Variants in DPP6 observed in about 807,000 individuals in gnomAD.
The protein encoded by DPP6 is A-type potassium channel modulatory protein DPP6.
A neutral mutation model predicts 122.6 loss-of-function variants in DPP6; 69 were observed. That is an observed-to-expected ratio of 0.56 (90% CI 0.46 to 0.69). DPP6 has a LOEUF of 0.69. Ranked by LOEUF, DPP6 falls within the 30% of genes least tolerant of loss-of-function variation. The pLI, the probability that DPP6 is intolerant of heterozygous loss-of-function variation, is 0.00. For synonymous variants in DPP6, 418 were observed against 433.1 expected (o/e 0.97, Z 0.43); for missense variants, 928 against 1,116.9 (o/e 0.83, Z 2.41).
chr7:153,822,664 A>G, the DPP6 span, among the ~76,000 whole-genome samples: 1 of 152,362 alleles, frequency 6.6e-6, no homozygotes, highest in Non-Finnish European at 1.5e-5. Flanking sequence ...TAAAATCAGC[A>G]TATAAATACC....
intron 1 of DPP6, among the ~76,000 whole-genome samples, chr7:153,981,138 C>A (rs1315377275): frequency 6.6e-6 from 1 of 152,150 alleles, no homozygotes; most frequent in African/African-American, 2.4e-5. Context: ...CTAATATTGA[C>A]AGTGAGATGT....
intron 1 of DPP6, among the ~76,000 whole-genome samples, chr7:154,104,257 C>T (rs569058569): frequency 2.6e-5 from 4 of 152,294 alleles, no homozygotes; most frequent in East Asian, 1.9e-4. Context: ...CTGCCCCGGA[C>T]GGGAAGGGGT....
At chr7:154,519,027 A>G (rs966461165) in intron 3 of DPP6, among the ~76,000 whole-genome samples, 5 of 152,160 alleles carry the variant, frequency 3.3e-5, no homozygotes, top group Non-Finnish European at 7.3e-5. Context: ...ACTACAATAT[A>G]TTAATGACTA....
At chr7:154,857,659 T>G (rs944034294) in intron 17 of DPP6, among the ~76,000 whole-genome samples, 1 of 152,240 alleles carries the variant, frequency 6.6e-6, no homozygotes, top group African/African-American at 2.4e-5. Flanking sequence ...AGAAGGCAGG[T>G]GCCTGGTGCT....
At chr7:154,461,336 A>C (rs994081270) in intron 2 of DPP6, among the ~76,000 whole-genome samples, 4 of 152,216 alleles carry the variant, frequency 2.6e-5, no homozygotes, top group Non-Finnish European at 5.9e-5. Context: ...AAAGGAGTGC[A>C]GGTGTCTGTT....
At chr7:153,958,872 A>C (rs905948559) in intron 1 of DPP6, among the ~76,000 whole-genome samples, 3 of 151,836 alleles carry the variant, frequency 2.0e-5, no homozygotes, top group Non-Finnish European at 4.4e-5. Flanking sequence ...ACATTAAAAA[A>C]ACCCTCAAGA....
At chr7:154,508,643 C>G (rs1163232330) in intron 3 of DPP6, among the ~76,000 whole-genome samples, 1 of 152,194 alleles carries the variant, frequency 6.6e-6, no homozygotes, top group African/African-American at 2.4e-5. Flanking sequence ...CAGTGCATGT[C>G]ACTTCTGCCT....
At chr7:154,631,992 G>A (rs572636460) in intron 5 of DPP6, among the ~76,000 whole-genome samples, 35 of 152,314 alleles carry the variant, frequency 2.3e-4, no homozygotes, top group Non-Finnish European at 4.6e-4. Context: ...TAGGCTCTGA[G>A]ACTCCAGTGC....
At chr7:153,941,998 G>A (rs62484170) in intron 1 of DPP6, among the ~76,000 whole-genome samples, 22,423 of 152,182 alleles carry the variant, frequency 0.15, 1,872 homozygotes, top group African/African-American at 0.22. Flanking sequence ...CCTCTGAAGC[G>A]TTTCTGCAAT....
intron 25 of DPP6, chr7:154,890,690 C>A (rs1245305881): frequency 6.6e-6 from 1 of 152,304 alleles, no homozygotes; most frequent in Non-Finnish European, 1.5e-5. Flanking sequence ...GTGGGCACAG[C>A]AAAGGCCTTC....
chr7:154,412,659 A>G (rs1816702209), intron 1 of DPP6, among the ~76,000 whole-genome samples: 1 of 152,198 alleles, frequency 6.6e-6, no homozygotes, highest in South Asian at 2.1e-4. Context: ...CCCACAATCC[A>G]GAGAAGCAAT....
intron 1 of DPP6, among the ~76,000 whole-genome samples, chr7:154,423,775 A>G (rs1274615189): frequency 1.3e-5 from 2 of 152,254 alleles, no homozygotes; most frequent in South Asian, 2.1e-4. Context: ...AGATGCCTCT[A>G]TTAATCACTT....
intron 3 of DPP6, among the ~76,000 whole-genome samples, chr7:154,509,562 C>T (rs929060339): frequency 2.0e-5 from 3 of 152,164 alleles, no homozygotes; most frequent in Admixed American, 6.6e-5. Context: ...TGGAAAATAG[C>T]TGGGCATTTT....
chr7:153,883,781 T>A (rs1387264292), upstream of DPP6, among the ~76,000 whole-genome samples: 2 of 152,210 alleles, frequency 1.3e-5, no homozygotes, highest in African/African-American at 4.8e-5. Flanking sequence ...GAACAGGCAT[T>A]ACCTGGATAT....
intron 16 of DPP6, among the ~76,000 whole-genome samples, chr7:154,850,088 A>G (rs1426413922): frequency 1.3e-5 from 2 of 152,210 alleles, no homozygotes; most frequent in African/African-American, 4.8e-5. Context: ...GTATTTGGTT[A>G]CATGAGTAAG....
At chr7:154,785,686 T>C (rs73167100) in intron 10 of DPP6, among the ~76,000 whole-genome samples, 11,457 of 152,260 alleles carry the variant, frequency 0.075, 451 homozygotes, top group South Asian at 0.12. Context: ...GCATTTACAC[T>C]CTGTCCTGTA....
At chr7:154,579,319 C>T (rs549631522) in intron 5 of DPP6, among the ~76,000 whole-genome samples, 10 of 151,716 alleles carry the variant, frequency 6.6e-5, no homozygotes, top group Admixed American at 3.3e-4. Flanking sequence ...ACTGCACTAC[C>T]GCCTGGGCAA....
At chr7:154,197,402 G>A (rs1004691058) in intron 1 of DPP6, among the ~76,000 whole-genome samples, 2 of 152,020 alleles carry the variant, frequency 1.3e-5, no homozygotes, top group African/African-American at 4.8e-5. Flanking sequence ...GCCCTAGCTT[G>A]GTGCACTGAT....
At chr7:153,748,405 G>A in the DPP6 span, among the ~76,000 whole-genome samples, 1 of 125,930 alleles carries the variant, frequency 7.9e-6, no homozygotes, top group Non-Finnish European at 1.7e-5. Flanking sequence ...GCTCCAGCCT[G>A]AGCTTTTGAG....
Sources: gnomAD v4.1 joint callset for allele counts (sites outside exome capture counted in the v4.1 genomes callset) on GRCh38, gnomAD v4.1.1 for gene constraint, MANE v1.5 for transcripts, NCBI Gene and HGNC (gene_info 2026-07-23, HGNC 2026-07-21) for gene names.